PFDN5: variants seen among roughly 807,000 people sequenced by gnomAD.
The protein encoded by PFDN5 is c-myc binding protein.
In PFDN5, 13 loss-of-function variants were observed where a neutral mutation model predicts 21.5. That is an observed-to-expected ratio of 0.60 (90% CI 0.39 to 0.96). The LOEUF is 0.96. Among genes scored for constraint, PFDN5 ranks in the 40% least tolerant of loss-of-function variants. The probability of loss-of-function intolerance (pLI) is 0.00; values close to 1 mark genes in which losing one functional copy is unlikely to be tolerated. For missense variants in PFDN5, 188 were observed against 186.2 expected, an observed-to-expected ratio of 1.01 and a Z score of -0.06; for synonymous variants, 84 against 68.9, an observed-to-expected ratio of 1.22 and a Z score of -1.08.
intron 3 of PFDN5, chr12:53,296,599 G>T (rs1030458881): frequency 9.0e-5 from 37 of 409,928 alleles, no homozygotes; most frequent in Non-Finnish European, 1.6e-4. Context: ...AGTAGAGTTG[G>T]GGGTTTCACC....
rs753006930 is a variant in PFDN5 at position 53,299,345 on chromosome 12, A to C, written c.465A>C (p.Ter155CysextTer?). Reference sequence around the variant, plus strand: ...CAGCTCAGGCTACTGCTAAGGCCTGAGAGTTTTTGCAGAAATGGGGCAGAG... The same window carrying C: ...CAGCTCAGGCTACTGCTAAGGCCTGCGAGTTTTTGCAGAAATGGGGCAGAG... ...LGAAQATAKA[*>C] The change falls in exon 6 of 6, where the codon TGA becomes TGC. Residue 155 changes from the stop codon to cysteine, a stop_lost. Transcript: ENST00000334478. 2 of 1,604,686 alleles carry C rather than the reference A, an allele frequency of 1.2e-6. No individual in the cohort carries two copies. Among genetic ancestry groups the C allele is most frequent in the Non-Finnish European group, 8.5e-7 (1 of 1,173,580 alleles).
chr12:53,296,549 T>C (rs1011336737), intron 3 of PFDN5: 10 of 554,828 alleles, frequency 1.8e-5, no homozygotes, highest in Non-Finnish European at 2.9e-5. Context: ...GCTGGGACTT[T>C]AGGTACGCGC....
chr12:53,298,182 A>G (rs762260041), intron 5 of PFDN5, 32 bp downstream of exon 5: 18 of 1,255,716 alleles, frequency 1.4e-5, no homozygotes, highest in South Asian at 1.4e-4. Flanking sequence ...TCTTGACCCT[A>G]TCTCCATAAT....
In PFDN5 at chr12:53,295,948, G is replaced by C. The variant is rs1290129783; in HGVS notation, c.175+7G>C. 2.6e-6 allele frequency: 4 copies of C among 1,563,648 alleles called. No homozygotes were observed. The highest frequency in any genetic ancestry group is 2.7e-5 in the African/African-American group (2 of 73,954). On this transcript the variant is annotated splice_region_variant and intron_variant, in intron 2 of 5. Transcript: ENST00000334478. ...CTGAACAAGAGCAACGAGGGTATGG[G>C]GTAGGCGGGTGAGGGTAACCTAAAG...
Position 53,297,861 on chromosome 12 carries a change from T to G in PFDN5, c.219T>G (p.Pro73=). ...LVPLTSSMYV[P]GKLHDVEHVL... ...TTCTTGCTTCTCAGATGTATGTCCC[T>G]GGGAAGCTGCATGATGTGGAACACG... is the stretch of plus-strand genomic sequence containing the variant. The change falls in exon 4 of 6, where the codon CCT becomes CCG. Residue 73 remains proline (P), a synonymous_variant. Transcript: ENST00000334478. 6.2e-7 allele frequency: 1 copy of G among 1,611,966 alleles called. No individual in the cohort carries two copies. The highest frequency in any genetic ancestry group is 8.5e-7 in the Non-Finnish European group (1 of 1,179,068).
intron 5 of PFDN5, chr12:53,299,068 G>A (rs766790857): frequency 5.0e-5 from 20 of 400,270 alleles, no homozygotes; most frequent in East Asian, 4.5e-4. Context: ...CCCGGGAGAC[G>A]GAGGTTGCTG....
rs1944148082 is a variant in PFDN5, at chr12:53,296,232, T to C, written c.176-12T>C. 4.3e-6 allele frequency: 7 copies of C among 1,609,304 alleles called. No homozygotes were observed. Among genetic ancestry groups the C allele is most frequent in the Non-Finnish European group, 3.4e-6 (4 of 1,177,156 alleles). The stretch of plus-strand genomic sequence containing the variant: ...AACCTTCCCCAGGTGTTTGTCTTCA[T>C]TGCTTTCACAGGGAAAGAATTACTC... On this transcript the variant is annotated splice_polypyrimidine_tract_variant and intron_variant, in intron 2 of 5. Transcript: ENST00000334478.
intron 2 of PFDN5, 43 bp downstream of exon 2, chr12:53,295,984 G>T (rs773450757): frequency 8.4e-7 from 1 of 1,192,420 alleles, no homozygotes; most frequent in South Asian, 1.2e-5. Context: ...TGGCGAACCT[G>T]CTTCTCTCGT....
chr12:53,299,361 T>C lies in PFDN5; in HGVS notation c.*16T>C. On this transcript the variant is annotated 3_prime_UTR_variant, in exon 6 of 6. Coordinates refer to ENST00000334478, the MANE Select transcript of PFDN5 (RefSeq NM_002624.4). Reference sequence around the variant, plus strand: ...TAAGGCCTGAGAGTTTTTGCAGAAATGGGGCAGAGGGACACCCTTTGGGCG... The same window carrying C: ...TAAGGCCTGAGAGTTTTTGCAGAAACGGGGCAGAGGGACACCCTTTGGGCG... The C allele has an allele frequency of 6.4e-7, 1 of 1,568,246 alleles. No individual in the cohort carries two copies. The highest frequency in any genetic ancestry group is 2.2e-5 in the East Asian group (1 of 44,608).
At chr12:53,295,970 A>G (rs768612704) in intron 2 of PFDN5, 29 bp downstream of exon 2, 1 of 1,363,196 alleles carries the variant, frequency 7.3e-7, no homozygotes, top group South Asian at 1.2e-5. Flanking sequence ...AGGGTAACCT[A>G]AAGTGGCGAA....
intron 5 of PFDN5, 75 bp downstream of exon 5, chr12:53,298,225 G>A: frequency 1.1e-6 from 1 of 904,654 alleles, no homozygotes; most frequent in Non-Finnish European, 1.9e-6. Flanking sequence ...AACCACGGGG[G>A]TGTCCCCTTT....
chr12:53,297,825 T>C (rs2121037680), intron 3 of PFDN5, 25 bp from the exon 4 acceptor site: 2 of 1,584,152 alleles, frequency 1.3e-6, no homozygotes, highest in East Asian at 4.5e-5. Flanking sequence ...GCTGGCTAGT[T>C]TTTCCCTTAA....
rs768665988 is a variant in PFDN5 at position 53,297,915 on chromosome 12, T to C, written c.273T>C (p.Tyr91=). 3.7e-6 allele frequency: 6 copies of C among 1,612,536 alleles called. No homozygotes were observed. The highest frequency in any genetic ancestry group is 4.2e-6 in the Non-Finnish European group (5 of 1,178,688). ...HVLIDVGTGY[Y]VEKTAEDAKD... ...TCATCGATGTGGGAACTGGGTACTA[T>C]GTAGAGAAGGTGAGTGAGAGCATGT... Residue 91 remains tyrosine, a synonymous_variant, in exon 4 of 6, where the codon TAT becomes TAC. Transcript: ENST00000334478.
In PFDN5 at chr12:53,299,249, ACT is replaced by A. The variant is rs776583012; in HGVS notation, c.389-17_389-16del. On this transcript the variant is annotated intron_variant, in intron 5 of 5. Coordinates refer to ENST00000334478, the MANE Select transcript of PFDN5 (RefSeq NM_002624.4). ...TTCTCCTTTTTGCTTCTAACCTTTGACTCTTATTTTTTTCCACAGCCGTCATG... is the reference window on the plus strand; with the variant it reads ...TTCTCCTTTTTGCTTCTAACCTTTGACTTATTTTTTTCCACAGCCGTCATG... 8.2e-6 allele frequency: 13 copies of A among 1,581,474 alleles called. No homozygotes were observed. The African/African-American group carries it at 1.6e-4, about 20-fold the overall frequency.
At chr12:53,299,202 G>A in intron 5 of PFDN5, 67 bp from the exon 6 acceptor site, 1 of 1,068,446 alleles carries the variant, frequency 9.4e-7, no homozygotes, top group Non-Finnish European at 1.4e-6. Flanking sequence ...AAACTTGCCT[G>A]TCACTTCTCC....
At position 53,296,410 on chromosome 12, in the gene PFDN5, T is replaced by C. The variant is rs1255926115; in HGVS notation, c.207+135T>C. On this transcript the variant is annotated intron_variant, in intron 3 of 5. Transcript: ENST00000334478. Reference sequence around the variant, plus strand: ...CAATGATTTTGAGGATACCCTTTTTTTTTTTCTTTCTTTTTTGAGACGGAA... The same window carrying C: ...CAATGATTTTGAGGATACCCTTTTTCTTTTTCTTTCTTTTTTGAGACGGAA... The C allele has an allele frequency of 3.4e-5, 26 of 758,860 alleles. No homozygotes were observed. The Admixed American group carries it at 5.2e-4, about 15-fold the overall frequency. 47.0% of individuals were successfully genotyped at this position (758,860 alleles called of 1,614,324 possible). A position where few individuals can be genotyped will look rare whatever the true frequency, so the allele number is the denominator to read the frequency against.
intron 3 of PFDN5, 122 bp downstream of exon 3, chr12:53,296,397 G>A: frequency 1.3e-6 from 1 of 746,816 alleles, no homozygotes. Flanking sequence ...ATGATTTTGA[G>A]GATACCCTTT....
intron 3 of PFDN5, chr12:53,297,042 A>C (rs1944159803): frequency 6.5e-6 from 1 of 153,264 alleles, no homozygotes; most frequent in Admixed American, 6.5e-5. Flanking sequence ...TGAATGAGCA[A>C]GTTATGGCAG....
In PFDN5 at chr12:53,299,377, C is replaced by T; in HGVS notation, c.*32C>T. ...TTGCAGAAATGGGGCAGAGGGACAC[C>T]CTTTGGGCGTGGCTTCCTGGTGATG... On this transcript the variant is annotated 3_prime_UTR_variant, in exon 6 of 6. Transcript: ENST00000334478. 1.4e-6 allele frequency: 2 copies of T among 1,436,146 alleles called. No homozygotes were observed. The highest frequency in any genetic ancestry group is 1.7e-4 in the Middle Eastern group (1 of 5,740). 89.0% of individuals were successfully genotyped at this position (1,436,146 alleles called of 1,614,324 possible). A position where few individuals can be genotyped will look rare whatever the true frequency, so the allele number is the denominator to read the frequency against.
Sources: gnomAD v4.1 joint callset for allele counts on GRCh38, gnomAD v4.1.1 for gene constraint, MANE v1.5 for transcripts, NCBI Gene and HGNC (gene_info 2026-07-23, HGNC 2026-07-21) for gene names.